Variants in HNRNPD observed in about 807,000 individuals in gnomAD.
The protein encoded by HNRNPD is heterogeneous nuclear ribonucleoprotein D, also known as heterogeneous nuclear ribonucleoprotein D0.
In HNRNPD, 3 loss-of-function variants were observed where a neutral mutation model predicts 47.9. That is an observed-to-expected ratio of 0.06 (90% CI 0.03 to 0.16). The LOEUF (loss-of-function observed/expected upper bound fraction) is 0.16, where lower values mean the gene tolerates loss of function less well. Ranked by LOEUF, HNRNPD falls within the 10% of genes least tolerant of loss-of-function variation. HNRNPD has a pLI of 1.00. For missense variants in HNRNPD, 287 were observed against 454.2 expected (o/e 0.63, Z 3.35); for synonymous variants, 171 against 165.1 (o/e 1.04, Z -0.28).
Position 82,355,408 on chromosome 4 carries a change from TA to T in HNRNPD, c.1001-8del. On this transcript the variant is annotated splice_region_variant and splice_polypyrimidine_tract_variant and intron_variant, in intron 7 of 8. Transcript: ENST00000313899. Reference sequence around the variant, plus strand: ...CCATAACCACTCTGCTGGTCTAAAATAAAACAAGTGTTAGAACCAGAACGGT... The same window carrying T: ...CCATAACCACTCTGCTGGTCTAAAATAAACAAGTGTTAGAACCAGAACGGT... 1 of 1,608,964 alleles carries T rather than the reference TA, an allele frequency of 6.2e-7. No homozygotes were observed. The highest frequency in any genetic ancestry group is 8.5e-7 in the Non-Finnish European group (1 of 1,175,400).
chr4:82,355,848 A>C (rs1471596815), intron 7 of HNRNPD: 1 of 163,612 alleles, frequency 6.1e-6, no homozygotes, highest in African/African-American at 2.4e-5. Flanking sequence ...ATTATTGTGC[A>C]GCAGGCCTAG....
In HNRNPD at chr4:82,368,394, A is replaced by C. The variant is rs749431865; in HGVS notation, c.290+3134T>G. 5.6e-4 allele frequency among the ~76,000 whole-genome samples: 85 copies of C among 152,224 alleles called. 1 individual carries two copies. The highest frequency in any genetic ancestry group is 7.2e-5 in the African/African-American group (3 of 41,466). ...ATACACTGAGTTTGTAGAAAGGGTC[A>C]CATGGCTTAAGGGAAAAAACCCCAG... On this transcript the variant is annotated intron_variant, in intron 2 of 8. Transcript: ENST00000313899.
At chr4:82,373,315 G>C (rs1412637414) in intron 1 of HNRNPD, 131 bp downstream of exon 1, 3 of 1,222,758 alleles carry the variant, frequency 2.5e-6, no homozygotes, top group South Asian at 3.0e-5. Context: ...GAAAAAGGGA[G>C]ACCAGTGCAA....
chr4:82,364,906 A>C (rs1578052868), intron 2 of HNRNPD, among the ~76,000 whole-genome samples: 1 of 152,326 alleles, frequency 6.6e-6, no homozygotes, highest in East Asian at 1.9e-4. Flanking sequence ...CTAGGTTTTT[A>C]ACATTCCCAG....
At chr4:82,361,963 A>C (rs1247855136) in intron 2 of HNRNPD, among the ~76,000 whole-genome samples, 1 of 152,242 alleles carries the variant, frequency 6.6e-6, no homozygotes, top group Non-Finnish European at 1.5e-5. Context: ...TCAGCTATCC[A>C]GCACTTTTGG....
intron 4 of HNRNPD, 118 bp downstream of exon 4, chr4:82,358,541 A>G (rs1723825200): frequency 1.1e-6 from 1 of 886,588 alleles, no homozygotes; most frequent in Non-Finnish European, 1.8e-6. Context: ...TTATTCCAAA[A>G]CAGATCACAT....
chr4:82,371,921 C>A lies in HNRNPD; in HGVS notation c.234-337G>T, dbSNP rs1343812907. On this transcript the variant is annotated intron_variant, in intron 1 of 8. Coordinates refer to ENST00000313899, the MANE Select transcript of HNRNPD (RefSeq NM_031370.3). The stretch of plus-strand genomic sequence containing the variant: ...CTGTTTAATTTTTAAAAGTTTGCTT[C>A]CCTTCCCACCACCACTCCCCCAAAA... Among the ~76,000 whole-genome samples, 4 of 152,100 alleles carry A rather than the reference C, an allele frequency of 2.6e-5. No individual in the cohort carries two copies. The East Asian group carries it at 7.7e-4, about 29-fold the overall frequency.
rs182633310 is a variant in HNRNPD at position 82,352,872 on chromosome 4, T to C, written c.*1313A>G. Reference sequence around the variant, plus strand: ...GAGGTCAAATTCTTAGCATCAGATGTAACTCCACAAAAGTAAGAAAGGTAT... The same window carrying C: ...GAGGTCAAATTCTTAGCATCAGATGCAACTCCACAAAAGTAAGAAAGGTAT... On this transcript the variant is annotated 3_prime_UTR_variant, in exon 9 of 9. Coordinates refer to ENST00000313899, the MANE Select transcript of HNRNPD (RefSeq NM_031370.3). The C allele has an allele frequency of 1.3e-4, 19 of 151,516 alleles. No individual in the cohort carries two copies. The highest frequency in any genetic ancestry group is 4.7e-4 in the African/African-American group (19 of 40,820). 9.4% of individuals were successfully genotyped at this position (151,516 alleles called of 1,614,324 possible).
chr4:82,368,190 G>A (rs1719858489), intron 2 of HNRNPD, among the ~76,000 whole-genome samples: 2 of 152,158 alleles, frequency 1.3e-5, no homozygotes, highest in African/African-American at 4.8e-5. Context: ...AGCATGGTAT[G>A]TATTATGACT....
chr4:82,359,243 T>G (rs1273436221), intron 3 of HNRNPD, among the ~76,000 whole-genome samples: 4 of 152,168 alleles, frequency 2.6e-5, no homozygotes, highest in African/African-American at 9.7e-5. Context: ...TTTAAGTCTA[T>G]AGTATCTTTA....
chr4:82,361,482 ATAAC>A (rs1460631445), intron 2 of HNRNPD, among the ~76,000 whole-genome samples: 4 of 152,338 alleles, frequency 2.6e-5, no homozygotes, highest in East Asian at 3.9e-4. Flanking sequence ...TTTCTCAATA[ATAAC>A]TAACAAACTT....
chr4:82,368,172 T>C (rs1719857263), intron 2 of HNRNPD, among the ~76,000 whole-genome samples: 1 of 152,236 alleles, frequency 6.6e-6, no homozygotes, highest in South Asian at 2.1e-4. Context: ...CCTTTTTAAA[T>C]GCTTTCAAGC....
At position 82,357,452 on chromosome 4, in the gene HNRNPD, T is replaced by TA. The variant is rs1403635616; in HGVS notation, c.622-9dup. ...GAGCTCTATGGATTCCACCTGGTAT[T>TA]AAAAAACAAATTTTAATATGCTAAC... On this transcript the variant is annotated splice_polypyrimidine_tract_variant and intron_variant, in intron 4 of 8. Coordinates refer to ENST00000313899, the MANE Select transcript of HNRNPD (RefSeq NM_031370.3). 2 of 1,589,196 alleles carry TA rather than the reference T, an allele frequency of 1.3e-6. No homozygotes were observed. The highest frequency in any genetic ancestry group is 3.8e-5 in the Admixed American group (2 of 52,254).
intron 2 of HNRNPD, among the ~76,000 whole-genome samples, chr4:82,371,008 C>A (rs2556552): frequency 2.1e-5 from 2 of 94,574 alleles, no homozygotes; most frequent in Non-Finnish European, 4.9e-5. Flanking sequence ...ACACACACTT[C>A]TTATTAAAGG....
chr4:82,371,547 T>C lies in HNRNPD; in HGVS notation c.271A>G (p.Thr91Ala). The C allele has an allele frequency of 6.2e-7, 1 of 1,613,496 alleles. No individual in the cohort carries two copies. Among genetic ancestry groups the C allele is most frequent in the Non-Finnish European group, 8.5e-7 (1 of 1,179,544 alleles). Residue 91 changes from threonine to alanine, a missense_variant, in exon 2 of 9, where the codon ACG becomes GCG. Around this residue, in one of 5 missense-constraint regions of HNRNPD, gnomAD observed 161 missense variants for 137.1 expected, o/e 1.17. Coordinates refer to ENST00000313899, the MANE Select transcript of HNRNPD (RefSeq NM_031370.3). ...TTTTACCATTCTTCCCGCTGTGCCG[T>C]CGCTGCTTCAGAGTGTCGTGGGGAG... ...NSSPRHSEAA[T>A]AQREEWKMFI...
intron 2 of HNRNPD, 32 bp from the exon 3 acceptor site, chr4:82,359,671 T>TAA: frequency 6.9e-7 from 1 of 1,456,526 alleles, no homozygotes; most frequent in Non-Finnish European, 9.3e-7. Context: ...TTAAAATGCT[T>TAA]AAAAAAAATT....
intron 2 of HNRNPD, among the ~76,000 whole-genome samples, chr4:82,366,275 G>C (rs916606332): frequency 4.6e-5 from 7 of 152,128 alleles, no homozygotes; most frequent in African/African-American, 1.4e-4. Flanking sequence ...ACAGAGTCTC[G>C]CTTTGTCGCC....
chr4:82,367,025 CCTTT>C (rs1719796363), intron 2 of HNRNPD, among the ~76,000 whole-genome samples: 1 of 115,346 alleles, frequency 8.7e-6, no homozygotes. Flanking sequence ...AACACACTAG[CCTTT>C]TTTTTTTTTT....
chr4:82,355,479 ATCTC>A, intron 7 of HNRNPD, 78 bp from the exon 8 acceptor site: 2 of 1,019,036 alleles, frequency 2.0e-6, no homozygotes, highest in Admixed American at 2.2e-5. Flanking sequence ...ATTTTAAACA[ATCTC>A]AAAAAATTAA....
Sources: gnomAD v4.1 joint callset for allele counts (sites outside exome capture counted in the v4.1 genomes callset) on GRCh38, gnomAD v4.1.1 for gene constraint, gnomAD v4.1.1 regional missense constraint, MANE v1.5 for transcripts, NCBI Gene and HGNC (gene_info 2026-07-23, HGNC 2026-07-21) for gene names.